The following CACNA2D2 variants were observed in gnomAD, a reference collection of about 807,000 sequenced individuals.
CACNA2D2 encodes the protein calcium voltage-gated channel auxiliary subunit alpha2delta 2.
CACNA2D2 carries 48 observed loss-of-function variants against 166.4 expected under a neutral mutation model. That is an observed-to-expected ratio of 0.29 (90% CI 0.23 to 0.37). The LOEUF is 0.37. Among genes scored for constraint, CACNA2D2 ranks in the 10% least tolerant of loss-of-function variants. The pLI, the probability that CACNA2D2 is intolerant of heterozygous loss-of-function variation, is 1.00. For synonymous variants in CACNA2D2, 561 were observed against 573.7 expected (o/e 0.98, Z 0.32); for missense variants, 1,122 against 1,433.0 (o/e 0.78, Z 3.50).
chr3:50,460,474 GTT>G (rs11315902), intron 2 of CACNA2D2, among the ~76,000 whole-genome samples: 4 of 150,070 alleles, frequency 2.7e-5, no homozygotes, highest in African/African-American at 7.3e-5. Context: ...AAAATAAAAA[GTT>G]TTTTTTTTAA....
intron 2 of CACNA2D2, among the ~76,000 whole-genome samples, chr3:50,435,747 TCTC>T (rs748448504): frequency 6.6e-6 from 1 of 152,120 alleles, no homozygotes; most frequent in African/African-American, 2.4e-5. Flanking sequence ...CAGGCAATCT[TCTC>T]CTCCTCCCGC....
intron 4 of CACNA2D2, among the ~76,000 whole-genome samples, chr3:50,393,267 C>T (rs867319927): frequency 6.6e-6 from 1 of 152,206 alleles, no homozygotes; most frequent in Non-Finnish European, 1.5e-5. Context: ...CTGCTCCTCC[C>T]TGTGTTTAGC....
intron 3 of CACNA2D2, among the ~76,000 whole-genome samples, chr3:50,410,888 G>A (rs1706979621): frequency 6.6e-6 from 1 of 152,256 alleles, no homozygotes; most frequent in Admixed American, 6.5e-5. Flanking sequence ...GGATGTGTGT[G>A]TGTGTACATA....
chr3:50,462,797 C>T (rs1246173522), intron 2 of CACNA2D2, among the ~76,000 whole-genome samples: 2 of 151,914 alleles, frequency 1.3e-5, no homozygotes, highest in African/African-American at 2.4e-5. Flanking sequence ...TAACACAACT[C>T]GCCTGATAAA....
intron 2 of CACNA2D2, among the ~76,000 whole-genome samples, chr3:50,464,178 C>T (rs1200197222): frequency 1.3e-5 from 2 of 152,220 alleles, no homozygotes; most frequent in African/African-American, 4.8e-5. Context: ...TGGGATCACC[C>T]CAAATATTCA....
chr3:50,377,256 C>T (rs746498021), intron 17 of CACNA2D2, among the ~76,000 whole-genome samples: 28 of 152,146 alleles, frequency 1.8e-4, no homozygotes, highest in Non-Finnish European at 3.8e-4. Flanking sequence ...GTCTGCAAAG[C>T]CTAAAATATT....
At chr3:50,496,247 A>G (rs981743349) in intron 1 of CACNA2D2, among the ~76,000 whole-genome samples, 1 of 152,218 alleles carries the variant, frequency 6.6e-6, no homozygotes, top group Non-Finnish European at 1.5e-5. Flanking sequence ...TTGACTTCAT[A>G]TGCACATACA....
chr3:50,453,766 G>C (rs954184866), intron 2 of CACNA2D2, among the ~76,000 whole-genome samples: 4 of 152,202 alleles, frequency 2.6e-5, no homozygotes, highest in African/African-American at 9.6e-5. Flanking sequence ...ACTCCATGGA[G>C]GATGTCTTGA....
chr3:50,460,669 A>G (rs1433695708), intron 2 of CACNA2D2, among the ~76,000 whole-genome samples: 1 of 152,096 alleles, frequency 6.6e-6, no homozygotes, highest in Non-Finnish European at 1.5e-5. Flanking sequence ...CCTGGCTAAC[A>G]TGGTGAAACC....
intron 5 of CACNA2D2, 90 bp from the exon 6 acceptor site, chr3:50,384,427 A>G: frequency 7.0e-7 from 1 of 1,438,358 alleles, no homozygotes; most frequent in Non-Finnish European, 9.6e-7. Flanking sequence ...GGAGGGCCAG[A>G]GTCCAGGAGA....
intron 3 of CACNA2D2, among the ~76,000 whole-genome samples, chr3:50,395,329 G>T (rs1706098079): frequency 6.6e-6 from 1 of 152,150 alleles, no homozygotes; most frequent in Admixed American, 6.5e-5. Flanking sequence ...GTCACATGGT[G>T]AGTCCGGCTC....
intron 2 of CACNA2D2, among the ~76,000 whole-genome samples, chr3:50,443,061 C>T (rs911706102): frequency 2.0e-5 from 3 of 152,178 alleles, no homozygotes; most frequent in African/African-American, 7.2e-5. Context: ...GTTTGCTCCC[C>T]CTCCCTGAGT....
chr3:50,413,652 G>A (rs1039270685), intron 3 of CACNA2D2, among the ~76,000 whole-genome samples: 1 of 152,146 alleles, frequency 6.6e-6, no homozygotes, highest in Non-Finnish European at 1.5e-5. Flanking sequence ...TTCGAGACCA[G>A]ACTGGCCAAC....
At chr3:50,480,266 C>T (rs1279367065) in intron 1 of CACNA2D2, among the ~76,000 whole-genome samples, 2 of 152,188 alleles carry the variant, frequency 1.3e-5, no homozygotes, top group African/African-American at 4.8e-5. Context: ...TGTGTGACCT[C>T]AAAGAGTTCT....
intron 1 of CACNA2D2, among the ~76,000 whole-genome samples, chr3:50,492,784 A>T (rs751005271): frequency 6.6e-6 from 1 of 152,136 alleles, no homozygotes; most frequent in Non-Finnish European, 1.5e-5. Flanking sequence ...GCAGAACATC[A>T]TGGGAGTGTA....
rs1705055454 is a variant in CACNA2D2, at chr3:50,377,544, G to A, written c.1552-3C>T. 3.7e-6 allele frequency: 6 copies of A among 1,613,236 alleles called. No individual in the cohort carries two copies. The highest frequency in any genetic ancestry group is 5.1e-6 in the Non-Finnish European group (6 of 1,179,872). On this transcript the variant is annotated splice_region_variant and splice_polypyrimidine_tract_variant and intron_variant, in intron 16 of 37. Coordinates refer to ENST00000424201, the MANE Select transcript of CACNA2D2 (RefSeq NM_006030.4). ...ATCACGCCCAGGATCAGCTGGTTCT[G>A]GGAGCAGAAGCATGGGGGGCTCCTC...
chr3:50,493,885 C>T (rs1243103447), intron 1 of CACNA2D2, among the ~76,000 whole-genome samples: 2 of 152,206 alleles, frequency 1.3e-5, no homozygotes, highest in African/African-American at 2.4e-5. Context: ...GAGAGGGACA[C>T]GGTGAGCAGT....
Position 50,489,744 on chromosome 3 carries a change from T to G in CACNA2D2, c.206+13474A>C, listed in dbSNP as rs557190931. On this transcript the variant is annotated intron_variant, in intron 1 of 37. Transcript: ENST00000424201. Reference sequence around the variant, plus strand: ...AATGGCTTATCCATGGAGAAAGATGTGTCCAGGTGATCTCCCCAGGACCTC... The same window carrying G: ...AATGGCTTATCCATGGAGAAAGATGGGTCCAGGTGATCTCCCCAGGACCTC... Among the ~76,000 whole-genome samples the G allele has an allele frequency of 3.2e-3, 488 of 152,288 alleles. 5 individuals are homozygous for G. The highest frequency in any genetic ancestry group is 0.011 in the African/African-American group (469 of 41,558).
At chr3:50,401,427 C>T (rs1322876705) in intron 3 of CACNA2D2, among the ~76,000 whole-genome samples, 1 of 152,114 alleles carries the variant, frequency 6.6e-6, no homozygotes, top group Admixed American at 6.5e-5. Context: ...CCCCTCAGTC[C>T]AGCCTGGAAG....
Sources: gnomAD v4.1 joint callset for allele counts (sites outside exome capture counted in the v4.1 genomes callset) on GRCh38, gnomAD v4.1.1 for gene constraint, MANE v1.5 for transcripts, NCBI Gene and HGNC (gene_info 2026-07-23, HGNC 2026-07-21) for gene names.